STXBP5L: variants seen among roughly 807,000 people sequenced by gnomAD.
The protein encoded by STXBP5L is syntaxin-binding protein 5-like.
In STXBP5L, 65 loss-of-function variants were observed where a neutral mutation model predicts 144.5. The observed-to-expected ratio is 0.45, with a 90% confidence interval of 0.37 to 0.55. The LOEUF (loss-of-function observed/expected upper bound fraction) is 0.55, where lower values mean the gene tolerates loss of function less well. Ranked by LOEUF, STXBP5L falls within the 20% of genes least tolerant of loss-of-function variation. The pLI is 0.00. For synonymous variants in STXBP5L, 505 were observed against 469.6 expected (o/e 1.08, Z -0.97); for missense variants, 1,298 against 1,405.5 (o/e 0.92, Z 1.22).
intron 20 of STXBP5L, among the ~76,000 whole-genome samples, chr3:121,368,374 A>T (rs1297188333): frequency 6.6e-6 from 1 of 151,546 alleles, no homozygotes; most frequent in African/African-American, 2.4e-5. Context: ...TTGTTCATAC[A>T]TCCTTTACTT....
chr3:121,105,080 G>A (rs2043629745), intron 5 of STXBP5L, among the ~76,000 whole-genome samples: 2 of 152,032 alleles, frequency 1.3e-5, no homozygotes, highest in Non-Finnish European at 1.5e-5. Context: ...GTGGGCTAAG[G>A]ACATGAATAG....
chr3:120,969,501 G>A (rs1939996691), intron 3 of STXBP5L, among the ~76,000 whole-genome samples: 1 of 151,312 alleles, frequency 6.6e-6, no homozygotes. Context: ...CACTCTGTGG[G>A]TTGTCTGTTT....
intron 3 of STXBP5L, among the ~76,000 whole-genome samples, chr3:120,963,616 T>G (rs1054800602): frequency 2.0e-5 from 3 of 152,216 alleles, no homozygotes; most frequent in African/African-American, 7.2e-5. Context: ...ATCCCAGGGA[T>G]GAAGCTGACT....
chr3:121,398,334 A>G (rs1039096048), intron 22 of STXBP5L, among the ~76,000 whole-genome samples: 2 of 152,266 alleles, frequency 1.3e-5, no homozygotes, highest in East Asian at 3.8e-4. Flanking sequence ...CAGAAGGCTC[A>G]CAGCTTTTGT....
intron 3 of STXBP5L, among the ~76,000 whole-genome samples, chr3:121,033,632 A>G (rs1946538554): frequency 6.6e-6 from 1 of 151,566 alleles, no homozygotes. Context: ...TTTTTATGGT[A>G]TATTTACCCA....
At chr3:121,163,366 G>T (rs1196815776) in intron 9 of STXBP5L, among the ~76,000 whole-genome samples, 1 of 151,862 alleles carries the variant, frequency 6.6e-6, no homozygotes, top group Admixed American at 6.6e-5. Flanking sequence ...GTGGGGAATT[G>T]AGCAGTGAGA....
chr3:120,951,885 G>C (rs1711261400), intron 2 of STXBP5L, among the ~76,000 whole-genome samples: 1 of 151,988 alleles, frequency 6.6e-6, no homozygotes, highest in Non-Finnish European at 1.5e-5. Context: ...ATTCACAATA[G>C]CAAAGACTTG....
At chr3:121,172,972 C>G (rs1287878756) in intron 9 of STXBP5L, among the ~76,000 whole-genome samples, 1 of 152,046 alleles carries the variant, frequency 6.6e-6, no homozygotes, top group African/African-American at 2.4e-5. Context: ...AACTGTGGCA[C>G]ATACACACCA....
At chr3:121,004,155 C>T (rs1944044720) in intron 3 of STXBP5L, among the ~76,000 whole-genome samples, 2 of 152,186 alleles carry the variant, frequency 1.3e-5, no homozygotes, top group East Asian at 1.9e-4. Context: ...TGGCCATTTT[C>T]ATGATATTGA....
At chr3:121,007,515 T>A (rs189400391) in intron 3 of STXBP5L, among the ~76,000 whole-genome samples, 1,547 of 152,162 alleles carry the variant, frequency 0.01, 11 homozygotes, top group Non-Finnish European at 0.018. Context: ...TGGGTATGAA[T>A]TTTTTTCTTG....
intron 5 of STXBP5L, among the ~76,000 whole-genome samples, chr3:121,086,638 A>G (rs2042507750): frequency 6.6e-6 from 1 of 152,104 alleles, no homozygotes; most frequent in Admixed American, 6.6e-5. Context: ...TTTTCTGAAT[A>G]TTGGAATGTT....
At chr3:121,185,035 G>C (rs1485863236) in intron 9 of STXBP5L, among the ~76,000 whole-genome samples, 2 of 152,156 alleles carry the variant, frequency 1.3e-5, no homozygotes, top group African/African-American at 2.4e-5. Flanking sequence ...CACCAGGCCT[G>C]CTTTACAAGA....
intron 2 of STXBP5L, among the ~76,000 whole-genome samples, chr3:120,922,836 T>C (rs1290266630): frequency 6.6e-6 from 1 of 152,028 alleles, no homozygotes; most frequent in African/African-American, 2.4e-5. Context: ...TCTTTTTTTA[T>C]TGTGTCTTTG....
chr3:121,162,455 A>G (rs1202867246), intron 9 of STXBP5L, among the ~76,000 whole-genome samples: 1 of 152,166 alleles, frequency 6.6e-6, no homozygotes, highest in Non-Finnish European at 1.5e-5. Flanking sequence ...AAGACCTAAA[A>G]CCATAAAAAC....
intron 19 of STXBP5L, among the ~76,000 whole-genome samples, chr3:121,317,793 T>C (rs2043833442): frequency 6.6e-6 from 1 of 152,084 alleles, no homozygotes. Flanking sequence ...TTAAGAAATA[T>C]TGGAAAGAGA....
At chr3:121,271,355 C>A (rs905840092) in intron 18 of STXBP5L, among the ~76,000 whole-genome samples, 1 of 152,094 alleles carries the variant, frequency 6.6e-6, no homozygotes. Flanking sequence ...ATGTTCCCAT[C>A]GTTTTTTAGC....
chr3:121,207,545 A>T (rs1165084287), intron 10 of STXBP5L, among the ~76,000 whole-genome samples: 1 of 152,242 alleles, frequency 6.6e-6, no homozygotes, highest in Non-Finnish European at 1.5e-5. Context: ...GTGAACAGGC[A>T]ACCTACAGAA....
chr3:121,063,701 A>G (rs1308107166), intron 5 of STXBP5L, among the ~76,000 whole-genome samples: 1 of 151,954 alleles, frequency 6.6e-6, no homozygotes, highest in Non-Finnish European at 1.5e-5. Context: ...AGCAAGGAGG[A>G]ATTTAGAGAG....
At chr3:121,091,150 T>A (rs1158904428) in intron 5 of STXBP5L, among the ~76,000 whole-genome samples, 2 of 148,284 alleles carry the variant, frequency 1.3e-5, no homozygotes, top group Non-Finnish European at 2.9e-5. Flanking sequence ...GGTGTATATG[T>A]GCCACATTTT....
Sources: allele counts gnomAD v4.1 joint callset (sites outside exome capture counted in the v4.1 genomes callset), GRCh38; gene constraint gnomAD v4.1.1; transcripts MANE v1.5; gene names NCBI Gene and HGNC (gene_info 2026-07-23, HGNC 2026-07-21).